The following APP variants were observed in gnomAD, a reference collection of about 807,000 sequenced individuals.
The protein encoded by APP is amyloid-beta precursor protein.
Under a neutral mutation model 101.4 loss-of-function variants are expected in APP, and 31 were observed. The ratio of observed to expected loss-of-function variants is 0.31; its 90% CI spans 0.23 to 0.41. APP has a LOEUF of 0.41. Among genes scored for constraint, APP ranks in the 10% least tolerant of loss-of-function variants. The pLI, the probability that APP is intolerant of heterozygous loss-of-function variation, is 1.00. For missense variants in APP, 839 were observed against 1,003.7 expected (o/e 0.84, Z 2.22); for synonymous variants, 366 against 364.4 (o/e 1.00, Z -0.05).
At chr21:26,099,807 C>T (rs896814390) in intron 2 of APP, among the ~76,000 whole-genome samples, 2 of 152,184 alleles carry the variant, frequency 1.3e-5, no homozygotes, top group Non-Finnish European at 2.9e-5. Flanking sequence ...TGATGAAACG[C>T]TACTGCAATA....
chr21:26,152,295 A>AAAAAAAACAAAAC (rs1452726140), intron 1 of APP, among the ~76,000 whole-genome samples: 1 of 149,462 alleles, frequency 6.7e-6, no homozygotes, highest in African/African-American at 2.5e-5. Context: ...AAAAAAAAAA[A>AAAAAAAACAAAAC]AAAAAAAAAA....
chr21:26,028,734 C>T lies in APP; in HGVS notation c.663-6692G>A, dbSNP rs111738168. 3.8e-3 allele frequency among the ~76,000 whole-genome samples: 572 copies of T among 152,214 alleles called. 5 individuals carry two copies. The highest frequency in any genetic ancestry group is 6.2e-3 in the Non-Finnish European group (419 of 68,006). On this transcript the variant is annotated intron_variant, in intron 5 of 17. Coordinates refer to ENST00000346798, the MANE Select transcript of APP (RefSeq NM_000484.4). Reference sequence around the variant, plus strand: ...CCCTAGTAATTCAATCAACAATATTCGCTGTGCTTTACCAAGTGCCAGTAC... The same window carrying T: ...CCCTAGTAATTCAATCAACAATATTTGCTGTGCTTTACCAAGTGCCAGTAC...
chr21:26,126,319 G>A (rs2062683947), intron 1 of APP, among the ~76,000 whole-genome samples: 1 of 152,302 alleles, frequency 6.6e-6, no homozygotes, highest in East Asian at 1.9e-4. Context: ...TACGTGCATG[G>A]CTGTTTCTAA....
intron 5 of APP, among the ~76,000 whole-genome samples, chr21:26,048,195 T>C (rs1473806861): frequency 6.6e-6 from 1 of 151,274 alleles, no homozygotes; most frequent in East Asian, 1.9e-4. Context: ...TGCTGGCACA[T>C]GTCTGTAATC....
intron 11 of APP, among the ~76,000 whole-genome samples, chr21:25,963,025 G>A (rs758624791): frequency 6.6e-6 from 1 of 152,076 alleles, no homozygotes; most frequent in Non-Finnish European, 1.5e-5. Context: ...TGTTGGATAG[G>A]CTGGTCTCAA....
chr21:26,163,100 GC>G, intron 1 of APP, among the ~76,000 whole-genome samples: 1 of 150,000 alleles, frequency 6.7e-6, no homozygotes, highest in East Asian at 2.0e-4. Context: ...AATTAGCCAG[GC>G]GTGGTGGCAC....
chr21:25,983,982 T>G (rs1015793022), intron 8 of APP, among the ~76,000 whole-genome samples: 16 of 152,194 alleles, frequency 1.1e-4, no homozygotes, highest in Non-Finnish European at 1.6e-4. Context: ...ATGTTTCAAT[T>G]TTTTTATCAA....
chr21:26,075,046 C>A (rs2061477228), intron 3 of APP, among the ~76,000 whole-genome samples: 1 of 152,176 alleles, frequency 6.6e-6, no homozygotes, highest in African/African-American at 2.4e-5. Flanking sequence ...AATGATTTTG[C>A]CATAATCTCA....
intron 5 of APP, among the ~76,000 whole-genome samples, chr21:26,023,615 A>G (rs1009681359): frequency 6.6e-6 from 1 of 151,788 alleles, no homozygotes. Flanking sequence ...GGGCGGGAGG[A>G]TTGCTTGAGC....
At chr21:25,988,315 T>C (rs946340848) in intron 8 of APP, among the ~76,000 whole-genome samples, 1 of 152,094 alleles carries the variant, frequency 6.6e-6, no homozygotes, top group Non-Finnish European at 1.5e-5. Flanking sequence ...GGGACCAGCG[T>C]GGGCTGTTTG....
chr21:25,978,444 G>C (rs1037346558), intron 9 of APP, among the ~76,000 whole-genome samples: 14 of 152,066 alleles, frequency 9.2e-5, no homozygotes, highest in African/African-American at 2.4e-4. Context: ...CCCATTTTAC[G>C]AACCAGGTTA....
intron 1 of APP, among the ~76,000 whole-genome samples, chr21:26,152,165 G>A (rs2063286780): frequency 6.6e-6 from 1 of 151,364 alleles, no homozygotes; most frequent in Admixed American, 6.6e-5. Context: ...GGCGCCCGTA[G>A]TCCCAGCTAC....
chr21:26,129,903 G>A (rs1337683019), intron 1 of APP, among the ~76,000 whole-genome samples: 1 of 152,174 alleles, frequency 6.6e-6, no homozygotes, highest in Non-Finnish European at 1.5e-5. Context: ...TTCCTATAGA[G>A]GGAAGGTCTT....
At chr21:26,061,438 G>C (rs551570483) in intron 3 of APP, among the ~76,000 whole-genome samples, 10 of 152,062 alleles carry the variant, frequency 6.6e-5, no homozygotes, top group Admixed American at 4.6e-4. Context: ...TTTTTGTCTT[G>C]AATGTGCTCA....
At position 26,036,982 on chromosome 21, in the gene APP, GTGTGTA is replaced by G. The variant is rs977022260; in HGVS notation, c.662+14012_662+14017del. ...TGAAGAAAATGTGATGTGTGTGTGT[GTGTGTA>G]TGTGTGTGTGTCCGTGCGTGCATGC... is the stretch of plus-strand genomic sequence containing the variant. On this transcript the variant is annotated intron_variant, in intron 5 of 17. Coordinates refer to ENST00000346798, the MANE Select transcript of APP (RefSeq NM_000484.4). Among the ~76,000 whole-genome samples, 76 of 121,940 alleles carry G rather than the reference GTGTGTA, an allele frequency of 6.2e-4. No individual in the cohort carries two copies. The East Asian group carries it at 8.0e-3, about 13-fold the overall frequency. The allele number at this position is 121,940 out of a possible 152,430, so 80.0% of individuals were successfully genotyped here.
intron 3 of APP, among the ~76,000 whole-genome samples, chr21:26,054,688 G>A (rs1483628178): frequency 7.3e-6 from 1 of 137,534 alleles, no homozygotes; most frequent in Non-Finnish European, 1.5e-5. Context: ...TCAGCATAGT[G>A]AAACCATGAA....
chr21:26,028,624 A>G (rs2830015), intron 5 of APP, among the ~76,000 whole-genome samples: 15,686 of 152,118 alleles, frequency 0.1, 1,270 homozygotes, highest in East Asian at 0.29. Context: ...CATATGTACA[A>G]ATTGATGATA....
chr21:26,056,258 G>C (rs1374749425), intron 3 of APP, among the ~76,000 whole-genome samples: 1 of 152,032 alleles, frequency 6.6e-6, no homozygotes, highest in Non-Finnish European at 1.5e-5. Flanking sequence ...GGCTGGTCTC[G>C]AACTCCTAGG....
chr21:25,976,038 A>T lies in APP; in HGVS notation c.1225-10T>A. ...CCCATTCTCTCATGACCTATAAATT[A>T]AGGAAACATTTGAATTTAAAATCAT... On this transcript the variant is annotated splice_polypyrimidine_tract_variant and intron_variant, in intron 9 of 17. Coordinates refer to ENST00000346798, the MANE Select transcript of APP (RefSeq NM_000484.4). 1 of 1,606,264 alleles carries T rather than the reference A, an allele frequency of 6.2e-7. No homozygotes were observed. The highest frequency in any genetic ancestry group is 1.1e-5 in the South Asian group (1 of 90,950).
Sources: allele counts gnomAD v4.1 joint callset (sites outside exome capture counted in the v4.1 genomes callset), GRCh38; gene constraint gnomAD v4.1.1; transcripts MANE v1.5; gene names NCBI Gene and HGNC (gene_info 2026-07-23, HGNC 2026-07-21).